SHISA9: variants seen among roughly 807,000 people sequenced by gnomAD.
SHISA9 encodes the protein protein shisa-9.
In SHISA9, 13 loss-of-function variants were observed where a neutral mutation model predicts 38.0. That is an observed-to-expected ratio of 0.34 (90% CI 0.22 to 0.54). The LOEUF (loss-of-function observed/expected upper bound fraction) is 0.54. Ranked by LOEUF, SHISA9 falls within the 20% of genes least tolerant of loss-of-function variation. The pLI, the probability that SHISA9 is intolerant of heterozygous loss-of-function variation, is 0.91. For missense variants in SHISA9, 538 were observed against 575.8 expected, an observed-to-expected ratio of 0.93 and a Z score of 0.67; for synonymous variants, 275 against 242.0, an observed-to-expected ratio of 1.14 and a Z score of -1.27.
chr16:12,903,975 G>A (rs2071058732), intron 1 of SHISA9, among the ~76,000 whole-genome samples: 1 of 152,074 alleles, frequency 6.6e-6, no homozygotes, highest in South Asian at 2.1e-4. Flanking sequence ...AGAGATTTTG[G>A]GGGAAGAGGT....
At chr16:13,319,393 C>A in the SHISA9 span, among the ~76,000 whole-genome samples, 1 of 152,166 alleles carries the variant, frequency 6.6e-6, no homozygotes, top group Non-Finnish European at 1.5e-5. Flanking sequence ...CACTAGAAGA[C>A]CCGTTGGAAG....
the SHISA9 span, among the ~76,000 whole-genome samples, chr16:13,466,117 A>G: frequency 3.3e-5 from 5 of 152,202 alleles, no homozygotes; most frequent in African/African-American, 1.2e-4. Context: ...TGTTCCCACA[A>G]TGTTATGTTC....
At chr16:12,981,751 A>C (rs1021085127) in intron 2 of SHISA9, among the ~76,000 whole-genome samples, 3 of 152,176 alleles carry the variant, frequency 2.0e-5, no homozygotes, top group African/African-American at 7.2e-5. Flanking sequence ...TTAACGAGGT[A>C]ATTAAGGTCA....
chr16:13,250,079 C>T, the SHISA9 span, among the ~76,000 whole-genome samples: 1 of 152,184 alleles, frequency 6.6e-6, no homozygotes, highest in Non-Finnish European at 1.5e-5. Flanking sequence ...TCACCACTTC[C>T]ATACCTAGTC....
chr16:13,263,121 C>A, the SHISA9 span, among the ~76,000 whole-genome samples: 1 of 152,188 alleles, frequency 6.6e-6, no homozygotes, highest in South Asian at 2.1e-4. Context: ...CACTCCACCT[C>A]ACTCAGACCA....
chr16:13,280,117 C>CTT, the SHISA9 span, among the ~76,000 whole-genome samples: 4,999 of 100,468 alleles, frequency 0.05, 93 homozygotes, highest in Middle Eastern at 0.058. Flanking sequence ...CTCTCTTTCT[C>CTT]TTTTTTTTTT....
At chr16:13,393,322 G>C in the SHISA9 span, among the ~76,000 whole-genome samples, 1 of 152,164 alleles carries the variant, frequency 6.6e-6, no homozygotes, top group South Asian at 2.1e-4. Flanking sequence ...CAAGAGCCCA[G>C]CATTTTCACT....
intron 2 of SHISA9, among the ~76,000 whole-genome samples, chr16:13,083,529 GA>G (rs1420572133): frequency 6.6e-6 from 1 of 152,172 alleles, no homozygotes. Flanking sequence ...ACTCAGCAAG[GA>G]TGTGGCAGGG....
chr16:13,123,255 G>A (rs2050229250), intron 2 of SHISA9, among the ~76,000 whole-genome samples: 1 of 152,210 alleles, frequency 6.6e-6, no homozygotes, highest in Non-Finnish European at 1.5e-5. Flanking sequence ...TTGATTTTCT[G>A]CTATCTTGGG....
chr16:13,370,848 AAATC>A, the SHISA9 span, among the ~76,000 whole-genome samples: 7 of 152,172 alleles, frequency 4.6e-5, no homozygotes, highest in Non-Finnish European at 2.9e-5. Context: ...GACTCAATAA[AAATC>A]AAGTAATAGA....
At chr16:13,341,998 A>G in the SHISA9 span, among the ~76,000 whole-genome samples, 1 of 152,086 alleles carries the variant, frequency 6.6e-6, no homozygotes, top group African/African-American at 2.4e-5. Context: ...AGTCAAATCC[A>G]TTGAGTTTAT....
the SHISA9 span, among the ~76,000 whole-genome samples, chr16:13,252,528 C>T: frequency 6.6e-6 from 1 of 152,194 alleles, no homozygotes; most frequent in Non-Finnish European, 1.5e-5. Context: ...CAGTCTTCCT[C>T]CCCTGGCTCA....
At chr16:13,297,597 A>C in the SHISA9 span, among the ~76,000 whole-genome samples, 3 of 152,222 alleles carry the variant, frequency 2.0e-5, no homozygotes, top group Non-Finnish European at 4.4e-5. Context: ...AGTAGCAGAC[A>C]CAAAGTCCCT....
chr16:13,403,558 C>T, the SHISA9 span, among the ~76,000 whole-genome samples: 2 of 152,096 alleles, frequency 1.3e-5, no homozygotes, highest in Non-Finnish European at 2.9e-5. Context: ...GGGTTTGACA[C>T]CTTCAAAACA....
At chr16:13,465,311 C>T in the SHISA9 span, among the ~76,000 whole-genome samples, 1 of 152,162 alleles carries the variant, frequency 6.6e-6, no homozygotes, top group Non-Finnish European at 1.5e-5. Flanking sequence ...TGCTTTGAAG[C>T]ACAGAATAAT....
At chr16:13,055,327 C>T (rs543924548) in intron 2 of SHISA9, among the ~76,000 whole-genome samples, 3 of 152,166 alleles carry the variant, frequency 2.0e-5, no homozygotes, top group Non-Finnish European at 4.4e-5. Flanking sequence ...CCCATAACCA[C>T]AGTGCTGTTT....
chr16:13,354,665 A>G, the SHISA9 span, among the ~76,000 whole-genome samples: 3,525 of 151,502 alleles, frequency 0.023, 127 homozygotes, highest in African/African-American at 0.08. Flanking sequence ...GCACGCACAC[A>G]TGAGGGCTAG....
intron 2 of SHISA9, among the ~76,000 whole-genome samples, chr16:12,970,488 TATATATATA>T (rs1376527357): frequency 1.1e-4 from 3 of 28,274 alleles, no homozygotes; most frequent in African/African-American, 2.4e-4. Context: ...TATATATATA[TATATATATA>T]TTTTTTTTTT....
At chr16:13,320,290 C>G in the SHISA9 span, among the ~76,000 whole-genome samples, 5 of 17,432 alleles carry the variant, frequency 2.9e-4, no homozygotes, top group Non-Finnish European at 4.2e-4. Context: ...GAGACTCTGT[C>G]TCAAAAAAAA....
Sources: gnomAD v4.1 joint callset for allele counts (sites outside exome capture counted in the v4.1 genomes callset) on GRCh38, gnomAD v4.1.1 for gene constraint, MANE v1.5 for transcripts, NCBI Gene and HGNC (gene_info 2026-07-23, HGNC 2026-07-21) for gene names.